The following PCDHGA1 variants were observed in gnomAD, a reference collection of about 807,000 sequenced individuals.
PCDHGA1 encodes protocadherin gamma-A1.
In PCDHGA1, 32 loss-of-function variants were observed where a neutral mutation model predicts 58.0. The observed-to-expected ratio is 0.55, with a 90% confidence interval of 0.42 to 0.74. The LOEUF is 0.74. PCDHGA1 is among the 30% of genes least tolerant of loss of function. PCDHGA1 has a pLI of 0.00. For missense variants in PCDHGA1, 1,205 were observed against 1,182.3 expected (o/e 1.02, Z -0.28); for synonymous variants, 498 against 501.1 (o/e 0.99, Z 0.08).
intron 1 of PCDHGA1, chr5:141,419,186 A>G: frequency 1.2e-6 from 2 of 1,613,940 alleles, no homozygotes; most frequent in Non-Finnish European, 1.7e-6. Context: ...CCTGCACATT[A>G]CTGACGTCAA....
At chr5:141,340,960 C>T (rs139922013) in intron 1 of PCDHGA1, 743 of 1,613,890 alleles carry the variant, frequency 4.6e-4, no homozygotes, top group Admixed American at 7.8e-4. Flanking sequence ...TCACCGTGGC[C>T]GTGGCCGACA....
At chr5:141,488,913 A>G (rs887938731) in intron 1 of PCDHGA1, among the ~76,000 whole-genome samples, 4 of 152,196 alleles carry the variant, frequency 2.6e-5, no homozygotes, top group African/African-American at 7.2e-5. Flanking sequence ...TGTGTTCCCA[A>G]GGTTTCCAGG....
chr5:141,417,939 C>T, intron 1 of PCDHGA1: 1 of 1,612,862 alleles, frequency 6.2e-7, no homozygotes, highest in Non-Finnish European at 8.5e-7. Context: ...TTGTTCTACC[C>T]CACGCTGTGT....
intron 1 of PCDHGA1, chr5:141,341,234 C>CA: frequency 1.2e-6 from 2 of 1,614,238 alleles, no homozygotes; most frequent in East Asian, 2.2e-5. Context: ...GACCTATTCC[C>CA]ACGAGGTCTC....
rs544678317 is a variant in PCDHGA1, at chr5:141,430,911, A to C, written c.2422-63896A>C. The C allele has an allele frequency of 1.9e-5, 31 of 1,607,958 alleles. No homozygotes were observed. The Admixed American group carries it at 2.2e-4, about 11-fold the overall frequency. ...TCTAGGGTGGGCGACATCTCCAGGG[A>C]CCTGGGGCTGGAGCCCCGGGAGCTC... On this transcript the variant is annotated intron_variant, in intron 1 of 3. Transcript: ENST00000517417.
chr5:141,357,704 T>C (rs745493003), intron 1 of PCDHGA1: 63 of 1,496,340 alleles, frequency 4.2e-5, no homozygotes, highest in Non-Finnish European at 5.5e-5. Flanking sequence ...ATATGTAATA[T>C]ATCAAATAAA....
At position 141,365,767 on chromosome 5, in the gene PCDHGA1, C is replaced by A. The variant is rs775369116; in HGVS notation, c.2421+32662C>A. 1.9e-6 allele frequency: 3 copies of A among 1,613,718 alleles called. No homozygotes were observed. The East Asian group carries it at 6.7e-5, about 36-fold the overall frequency. ...TCTTCTCTGTGACAGCCCATGACCC[C>A]GACAGCGGCGACAACGCTCGAGTCA... On this transcript the variant is annotated intron_variant, in intron 1 of 3. Transcript: ENST00000517417.
chr5:141,389,618 C>T (rs1224398489), intron 1 of PCDHGA1: 46 of 1,612,930 alleles, frequency 2.9e-5, no homozygotes, highest in Middle Eastern at 1.7e-4. Flanking sequence ...TGGTGCCGCA[C>T]GCTGCAGAGC....
chr5:141,478,851 C>T, intron 1 of PCDHGA1: 1 of 1,374,810 alleles, frequency 7.3e-7, no homozygotes, highest in Non-Finnish European at 9.6e-7. Context: ...AGCTAAAACA[C>T]AAGATCTCAG....
intron 1 of PCDHGA1, among the ~76,000 whole-genome samples, chr5:141,401,352 G>C (rs1381325058): frequency 6.6e-6 from 1 of 152,080 alleles, no homozygotes; most frequent in Non-Finnish European, 1.5e-5. Flanking sequence ...CAAAAAAAAG[G>C]AAGGAGAAGG....
chr5:141,376,118 G>T, intron 1 of PCDHGA1: 1 of 1,613,826 alleles, frequency 6.2e-7, no homozygotes, highest in Non-Finnish European at 8.5e-7. Context: ...GGGCAGCCTC[G>T]AGCCCTCCGC....
intron 1 of PCDHGA1, chr5:141,345,500 T>C (rs1481044157): frequency 1.2e-6 from 2 of 1,614,162 alleles, no homozygotes; most frequent in Admixed American, 1.7e-5. Context: ...GCATCACTTA[T>C]GCATTGACCG....
Position 141,418,518 on chromosome 5 carries a change from C to G in PCDHGA1, c.2422-76289C>G. Reference sequence around the variant, plus strand: ...CTGACCGCCTTAGATGGTGGGGACCCTCCCCGAAGCGGTACTGCTCAGATA... The same window carrying G: ...CTGACCGCCTTAGATGGTGGGGACCGTCCCCGAAGCGGTACTGCTCAGATA... On this transcript the variant is annotated intron_variant, in intron 1 of 3. Coordinates refer to ENST00000517417, the MANE Select transcript of PCDHGA1 (RefSeq NM_018912.3). The G allele has an allele frequency of 2.5e-6, 4 of 1,613,986 alleles. 1 individual carries two copies.
At chr5:141,372,991 G>T (rs758452366) in intron 1 of PCDHGA1, among the ~76,000 whole-genome samples, 6 of 152,158 alleles carry the variant, frequency 3.9e-5, no homozygotes, top group Admixed American at 2.0e-4. Context: ...TGTTGCAGTT[G>T]TTCTTTCATA....
chr5:141,478,849 C>A, intron 1 of PCDHGA1: 1 of 1,375,282 alleles, frequency 7.3e-7, no homozygotes, highest in Non-Finnish European at 9.6e-7. Flanking sequence ...TAAGCTAAAA[C>A]ACAAGATCTC....
intron 1 of PCDHGA1, chr5:141,357,721 T>A: frequency 7.1e-7 from 1 of 1,415,050 alleles, no homozygotes; most frequent in East Asian, 2.5e-5. Flanking sequence ...TAAAGTTGCC[T>A]CTTTTAATAT....
At chr5:141,345,594 G>C in intron 1 of PCDHGA1, 1 of 1,614,112 alleles carries the variant, frequency 6.2e-7, no homozygotes, top group Middle Eastern at 1.6e-4. Flanking sequence ...GAGATCCTTC[G>C]ACTACGAGCA....
chr5:141,394,749 G>A (rs1270810324), intron 1 of PCDHGA1: 2 of 1,613,424 alleles, frequency 1.2e-6, no homozygotes, highest in Non-Finnish European at 8.5e-7. Flanking sequence ...CGTGGTGGCC[G>A]TCCAGGACCA....
At chr5:141,410,659 C>T (rs1481225976) in intron 1 of PCDHGA1, 5 of 1,571,890 alleles carry the variant, frequency 3.2e-6, no homozygotes, top group Non-Finnish European at 4.3e-6. Flanking sequence ...ATCTAATAGT[C>T]TACTAGTTTC....
Sources: gnomAD v4.1 joint callset for allele counts (sites outside exome capture counted in the v4.1 genomes callset) on GRCh38, gnomAD v4.1.1 for gene constraint, MANE v1.5 for transcripts, NCBI Gene and HGNC (gene_info 2026-07-23, HGNC 2026-07-21) for gene names.